Variants in SYN3 observed in about 807,000 individuals in gnomAD.
The protein encoded by SYN3 is synapsin III, also known as synapsin-3.
A neutral mutation model predicts 65.8 loss-of-function variants in SYN3; 35 were observed. That is an observed-to-expected ratio of 0.53 (90% CI 0.41 to 0.70). The LOEUF (loss-of-function observed/expected upper bound fraction) is 0.70. Ranked by LOEUF, SYN3 falls within the 30% of genes least tolerant of loss-of-function variation. The pLI, the probability that SYN3 is intolerant of heterozygous loss-of-function variation, is 0.00. For missense variants in SYN3, 680 were observed against 749.0 expected (o/e 0.91, Z 1.08); for synonymous variants, 270 against 292.9 (o/e 0.92, Z 0.80).
intron 10 of SYN3, among the ~76,000 whole-genome samples, chr22:32,530,406 G>C (rs1476659360): frequency 6.6e-6 from 1 of 152,088 alleles, no homozygotes; most frequent in African/African-American, 2.4e-5. Flanking sequence ...CAAGGTCAAG[G>C]ACACAGCACT....
intron 6 of SYN3, among the ~76,000 whole-genome samples, chr22:32,770,508 C>G (rs1012986265): frequency 4.6e-5 from 7 of 152,182 alleles, no homozygotes; most frequent in African/African-American, 1.7e-4. Context: ...TCCTAGAACA[C>G]CCCGAGTTTG....
intron 6 of SYN3, among the ~76,000 whole-genome samples, chr22:32,742,265 A>C (rs559581692): frequency 6.6e-6 from 1 of 152,124 alleles, no homozygotes; most frequent in South Asian, 2.1e-4. Context: ...GACAGAGTCC[A>C]TCTCAAAGTA....
intron 6 of SYN3, among the ~76,000 whole-genome samples, chr22:32,770,413 G>C (rs1242450562): frequency 6.6e-6 from 1 of 152,124 alleles, no homozygotes; most frequent in Non-Finnish European, 1.5e-5. Flanking sequence ...CACAGGGCCT[G>C]TGTGATCTGC....
chr22:32,574,371 T>C (rs893749161), intron 7 of SYN3, among the ~76,000 whole-genome samples: 1 of 151,990 alleles, frequency 6.6e-6, no homozygotes, highest in African/African-American at 2.4e-5. Flanking sequence ...CCCAGCTACT[T>C]GGGTGGCTGA....
chr22:32,766,762 AAAGT>A (rs570833652), intron 6 of SYN3, among the ~76,000 whole-genome samples: 1 of 152,192 alleles, frequency 6.6e-6, no homozygotes, highest in Non-Finnish European at 1.5e-5. Context: ...CTAAATAAAT[AAAGT>A]ATCAGTCCCT....
At chr22:32,681,030 A>G (rs1339966709) in intron 6 of SYN3, among the ~76,000 whole-genome samples, 2 of 152,084 alleles carry the variant, frequency 1.3e-5, no homozygotes, top group Non-Finnish European at 2.9e-5. Context: ...TCTATGTTTC[A>G]CATATCACTT....
At chr22:32,529,284 T>G (rs1794768622) in intron 10 of SYN3, among the ~76,000 whole-genome samples, 1 of 152,182 alleles carries the variant, frequency 6.6e-6, no homozygotes, top group Non-Finnish European at 1.5e-5. Flanking sequence ...CGACCTTTTC[T>G]GTGCTTTTCT....
chr22:32,754,231 A>G (rs1454004756), intron 6 of SYN3, among the ~76,000 whole-genome samples: 1 of 152,028 alleles, frequency 6.6e-6, no homozygotes, highest in Non-Finnish European at 1.5e-5. Flanking sequence ...GGTTCACTGC[A>G]ACCTCTGCCT....
At chr22:33,039,451 C>T (rs1375944585) in intron 1 of SYN3, among the ~76,000 whole-genome samples, 1 of 150,522 alleles carries the variant, frequency 6.6e-6, no homozygotes, top group Non-Finnish European at 1.5e-5. Context: ...TCTTGGCTCA[C>T]TGCAACCTCC....
At chr22:32,938,613 C>T (rs1340013387) in intron 3 of SYN3, among the ~76,000 whole-genome samples, 1 of 151,384 alleles carries the variant, frequency 6.6e-6, no homozygotes, top group African/African-American at 2.4e-5. Flanking sequence ...ATATTATACC[C>T]AGTAAAATTA....
At chr22:32,906,090 C>A (rs1168719988) in intron 4 of SYN3, among the ~76,000 whole-genome samples, 1 of 152,170 alleles carries the variant, frequency 6.6e-6, no homozygotes, top group Non-Finnish European at 1.5e-5. Context: ...AAGCAGATCC[C>A]CTCCAAGGAC....
At position 32,577,277 on chromosome 22, in the gene SYN3, C is replaced by T. The variant is rs961495275; in HGVS notation, c.774+19397G>A. Among the ~76,000 whole-genome samples, 11 of 152,304 alleles carry T rather than the reference C, an allele frequency of 7.2e-5. 1 individual carries two copies. Among genetic ancestry groups the T allele is most frequent in the South Asian group, 2.1e-4 (1 of 4,818 alleles). ...CAGTTTGCTCTGCTTTTTCTACCTG[C>T]GATGTCTCCTTATCTTTGGAGACAC... On this transcript the variant is annotated intron_variant, in intron 7 of 13. Coordinates refer to ENST00000358763, the MANE Select transcript of SYN3 (RefSeq NM_003490.4).
In SYN3 at chr22:32,541,640, G is replaced by A. The variant is rs1462294744; in HGVS notation, c.848C>T (p.Thr283Ile). Residue 283 changes from threonine (T) to isoleucine (I), a missense_variant, in exon 8 of 14, where the codon ACC becomes ATC. Transcript: ENST00000358763. ...VVAMAKTYAT[T>I]EAFIDSKYDI... ...GTACTTGGAGTCGATGAAGGCCTCG[G>A]TGGTGGCGTAGGTTTTGGCCATGGC... 2 of 1,614,160 alleles carry A rather than the reference G, an allele frequency of 1.2e-6. No individual in the cohort carries two copies. Among genetic ancestry groups the A allele is most frequent in the South Asian group, 2.2e-5 (2 of 91,068 alleles).
At chr22:32,947,151 C>T (rs750328585) in intron 3 of SYN3, among the ~76,000 whole-genome samples, 3 of 152,168 alleles carry the variant, frequency 2.0e-5, no homozygotes, top group Non-Finnish European at 4.4e-5. Context: ...CCCCTCACTT[C>T]CTCTCTGCTC....
chr22:32,578,209 TTTTTCTTTCTTTC>T (rs888635189), intron 7 of SYN3, among the ~76,000 whole-genome samples: 8 of 152,020 alleles, frequency 5.3e-5, no homozygotes, highest in African/African-American at 7.2e-5. Flanking sequence ...TCTCTCTTTC[TTTTTCTTTCTTTC>T]TTTTCTTTCT....
At chr22:32,858,200 A>G in intron 6 of SYN3, 1 of 1,602,008 alleles carries the variant, frequency 6.2e-7, no homozygotes, top group Non-Finnish European at 8.5e-7. Context: ...TAGAAACATC[A>G]GCTCCCAATG....
intron 3 of SYN3, among the ~76,000 whole-genome samples, chr22:32,964,397 T>C (rs886470839): frequency 7.0e-6 from 1 of 142,656 alleles, no homozygotes; most frequent in Admixed American, 7.2e-5. Context: ...TGTGCACATG[T>C]ACCCTAAAAC....
chr22:32,770,981 G>A (rs1602106936), intron 6 of SYN3, among the ~76,000 whole-genome samples: 2 of 151,610 alleles, frequency 1.3e-5, no homozygotes, highest in East Asian at 1.9e-4. Flanking sequence ...ATGGTGGTTT[G>A]CTGCACCCAT....
At position 33,019,126 on chromosome 22, in the gene SYN3, G is replaced by A. The variant is rs146370184; in HGVS notation, c.-162-12302C>T. ...AACCCTAACCAGAGGAAGCCCCCTC[G>A]TGACTTTCCACATATCCCTAGGATA... On this transcript the variant is annotated intron_variant, in intron 1 of 13. Transcript: ENST00000358763. 1.3e-4 allele frequency among the ~76,000 whole-genome samples: 20 copies of A among 152,222 alleles called. No homozygotes were observed. In the East Asian group the frequency reaches 3.9e-3, roughly 29 times the overall value.
Sources: gnomAD v4.1 joint callset for allele counts (sites outside exome capture counted in the v4.1 genomes callset) on GRCh38, gnomAD v4.1.1 for gene constraint, MANE v1.5 for transcripts, NCBI Gene and HGNC (gene_info 2026-07-23, HGNC 2026-07-21) for gene names.